WDR64: variants seen among roughly 807,000 people sequenced by gnomAD.
The protein encoded by WDR64 is WD repeat domain 64.
WDR64 carries 112 observed loss-of-function variants against 139.3 expected under a neutral mutation model. The ratio of observed to expected loss-of-function variants is 0.80; its 90% CI spans 0.69 to 0.94. The LOEUF (loss-of-function observed/expected upper bound fraction) is 0.94, where lower values mean the gene tolerates loss of function less well. Ranked by LOEUF, WDR64 falls within the 40% of genes least tolerant of loss-of-function variation. WDR64 has a pLI of 0.00. For missense variants in WDR64, 1,206 were observed against 1,293.1 expected (o/e 0.93, Z 1.03); for synonymous variants, 444 against 437.7 (o/e 1.01, Z -0.18).
chr1:241,678,515 G>A (rs1402591660), intron 5 of WDR64, among the ~76,000 whole-genome samples: 1 of 152,168 alleles, frequency 6.6e-6, no homozygotes, highest in Non-Finnish European at 1.5e-5. Context: ...GTTGGAGAAT[G>A]TAAAGAATGG....
At chr1:241,755,380 C>T (rs1013333138) in intron 14 of WDR64, among the ~76,000 whole-genome samples, 1 of 152,148 alleles carries the variant, frequency 6.6e-6, no homozygotes, top group Admixed American at 6.5e-5. Context: ...TGAGAAGTGT[C>T]TGTTCATATC....
intron 1 of WDR64, among the ~76,000 whole-genome samples, chr1:241,655,705 C>CTTTTT (rs1553359575): frequency 3.5e-5 from 1 of 28,974 alleles, no homozygotes; most frequent in Admixed American, 3.1e-4. Flanking sequence ...TTTTTCTTTT[C>CTTTTT]TTTTTTTTTT....
intron 16 of WDR64, among the ~76,000 whole-genome samples, chr1:241,769,043 G>T (rs913124822): frequency 1.3e-5 from 2 of 152,172 alleles, no homozygotes; most frequent in Non-Finnish European, 2.9e-5. Context: ...GAGGCAGGAG[G>T]ATCGCTTGAG....
At chr1:241,704,116 G>A (rs139119464) in intron 8 of WDR64, among the ~76,000 whole-genome samples, 38 of 152,190 alleles carry the variant, frequency 2.5e-4, no homozygotes, top group South Asian at 1.2e-3. Context: ...CATTGTACAC[G>A]AAACTGTGAG....
chr1:241,756,399 GCA>G (rs1349668374), intron 14 of WDR64, among the ~76,000 whole-genome samples: 1 of 152,066 alleles, frequency 6.6e-6, no homozygotes, highest in East Asian at 1.9e-4. Context: ...TGTGATTTTT[GCA>G]CATTTATTTT....
At chr1:241,778,593 A>G (rs944570379) in intron 21 of WDR64, among the ~76,000 whole-genome samples, 1 of 152,062 alleles carries the variant, frequency 6.6e-6, no homozygotes, top group African/African-American at 2.4e-5. Flanking sequence ...TTTGTCTTCC[A>G]GTCTTTTTCT....
chr1:241,740,946 CTTCTACTT>C (rs1669516495), intron 11 of WDR64, among the ~76,000 whole-genome samples: 1 of 152,224 alleles, frequency 6.6e-6, no homozygotes, highest in South Asian at 2.1e-4. Flanking sequence ...TCCTCATCTA[CTTCTACTT>C]TACAGTGGTG....
chr1:241,678,891 A>C (rs10926533), intron 5 of WDR64, among the ~76,000 whole-genome samples: 11,955 of 136,946 alleles, frequency 0.087, 843 homozygotes, highest in East Asian at 0.15. Context: ...AAAAAAAGCC[A>C]ACACTGGAAT....
intron 10 of WDR64, among the ~76,000 whole-genome samples, chr1:241,726,887 A>G (rs556907469): frequency 7.0e-4 from 82 of 117,404 alleles, no homozygotes; most frequent in African/African-American, 2.5e-3. Context: ...TGTAATAAGG[A>G]CAAAGTTTTT....
At chr1:241,699,891 C>T (rs1667643727) in intron 8 of WDR64, among the ~76,000 whole-genome samples, 1 of 152,010 alleles carries the variant, frequency 6.6e-6, no homozygotes, top group Non-Finnish European at 1.5e-5. Context: ...TGAAAGCTAT[C>T]GGAAGCCATC....
rs41310589 is a variant in WDR64, at chr1:241,683,526, C to T, written c.664C>T (p.Leu222=). ...CATAAAACCAATGGATCACTGCCTCCTGTGTGTGTGTGTGGTGCCTTTGCC... is the reference window on the plus strand; with the variant it reads ...CATAAAACCAATGGATCACTGCCTCTTGTGTGTGTGTGTGGTGCCTTTGCC... ...FVIKPMDHCL[L]CVCVVPLPDH... is the part of the protein sequence containing the mutation. The change falls in exon 7 of 28, where the codon CTG becomes TTG. Residue 222 remains leucine (L), a synonymous_variant. Transcript: ENST00000437684. 6.6e-3 allele frequency: 10,114 copies of T among 1,530,496 alleles called. 32 individuals are homozygous for T. The highest frequency in any genetic ancestry group is 8.3e-3 in the Non-Finnish European group (9,428 of 1,132,352). 94.8% of individuals were successfully genotyped at this position (1,530,496 alleles called of 1,614,324 possible).
rs138789724 is a variant in WDR64, at chr1:241,795,077, T to A, written c.2998-130T>A. 131 of 699,412 alleles carry A rather than the reference T, an allele frequency of 1.9e-4. No homozygotes were observed. The African/African-American group carries it at 2.1e-3, about 11-fold the overall frequency. The allele number at this position is 699,412 out of a possible 1,614,324, so 43.3% of individuals were successfully genotyped here. ...ATACATATTATTTATTTGATTCTCA[T>A]AACTAGGTAACAGGGAAGTCCCTTA... On this transcript the variant is annotated intron_variant, in intron 25 of 27. Transcript: ENST00000437684.
intron 10 of WDR64, among the ~76,000 whole-genome samples, chr1:241,727,892 G>C: frequency 6.6e-6 from 1 of 151,212 alleles, no homozygotes; most frequent in Middle Eastern, 3.2e-3. Context: ...CAAAGAAAAA[G>C]AAGAAGAAAA....
intron 20 of WDR64, among the ~76,000 whole-genome samples, chr1:241,774,839 T>A (rs1378160852): frequency 2.6e-5 from 4 of 152,244 alleles, no homozygotes; most frequent in Admixed American, 2.6e-4. Flanking sequence ...GCAAAAACAA[T>A]CCCAAGTGTA....
chr1:241,762,940 G>T (rs1657988798), intron 15 of WDR64, among the ~76,000 whole-genome samples: 1 of 152,048 alleles, frequency 6.6e-6, no homozygotes, highest in African/African-American at 2.4e-5. Flanking sequence ...ATGATAAGTA[G>T]GTTTTATTCT....
At chr1:241,730,313 A>G (rs74546130) in intron 10 of WDR64, among the ~76,000 whole-genome samples, 24,119 of 152,056 alleles carry the variant, frequency 0.16, 2,239 homozygotes, top group East Asian at 0.29. Flanking sequence ...GTCCCTATAT[A>G]AGGCTTCCTT....
At chr1:241,741,691 G>GA (rs771027784) in intron 12 of WDR64, 27 bp downstream of exon 12, 4 of 1,545,950 alleles carry the variant, frequency 2.6e-6, no homozygotes, top group South Asian at 1.2e-5. Flanking sequence ...TTTTCAAACA[G>GA]AAAAAAAGGC....
At chr1:241,772,279 C>A (rs1248484835) in intron 19 of WDR64, among the ~76,000 whole-genome samples, 1 of 139,674 alleles carries the variant, frequency 7.2e-6, no homozygotes, top group Non-Finnish European at 1.5e-5. Context: ...ATCCAGGATT[C>A]AATTTTTTAA....
At chr1:241,744,582 T>G in intron 13 of WDR64, 66 bp downstream of exon 13, 1 of 1,597,882 alleles carries the variant, frequency 6.3e-7, no homozygotes, top group Non-Finnish European at 8.5e-7. Flanking sequence ...CCAAAAACTC[T>G]TTCGTTCTTT....
Sources: gnomAD v4.1 joint callset for allele counts (sites outside exome capture counted in the v4.1 genomes callset) on GRCh38, gnomAD v4.1.1 for gene constraint, MANE v1.5 for transcripts, NCBI Gene and HGNC (gene_info 2026-07-23, HGNC 2026-07-21) for gene names.